WWP2: variants seen among roughly 807,000 people sequenced by gnomAD.
WWP2 encodes the protein WW domain containing E3 ubiquitin protein ligase 2.
In WWP2, 57 loss-of-function variants were observed where a neutral mutation model predicts 121.0. The observed-to-expected ratio is 0.47, with a 90% CI of 0.38 to 0.59. WWP2 has a LOEUF of 0.59. WWP2 is among the 20% of genes least tolerant of loss of function. The probability of loss-of-function intolerance (pLI) is 0.00; values close to 1 mark genes in which losing one functional copy is unlikely to be tolerated. For missense variants in WWP2, 962 were observed against 1,158.9 expected, an observed-to-expected ratio of 0.83 and a Z score of 2.47; for synonymous variants, 449 against 441.3, an observed-to-expected ratio of 1.02 and a Z score of -0.22.
rs541708170 is a variant in WWP2, at chr16:69,896,392, G to A, written c.914+8143G>A. On this transcript the variant is annotated intron_variant, in intron 8 of 23. Coordinates refer to ENST00000359154, the MANE Select transcript of WWP2 (RefSeq NM_001270454.2). The stretch of plus-strand genomic sequence containing the variant: ...TATCTTGGCCTACCAAAGTGCTGGG[G>A]TTACAGGTGTGAACCACCGTGCCCA... Among the ~76,000 whole-genome samples, 3 of 152,100 alleles carry A rather than the reference G, an allele frequency of 2.0e-5. No individual in the cohort carries two copies. In the East Asian group the frequency reaches 5.8e-4, roughly 29 times the overall value.
At chr16:69,814,996 A>T (rs1031011942) in intron 4 of WWP2, among the ~76,000 whole-genome samples, 2 of 151,976 alleles carry the variant, frequency 1.3e-5, no homozygotes, top group East Asian at 1.9e-4. Context: ...AAAAATATTT[A>T]TTTATTTATT....
chr16:69,846,070 A>AAAAAAAAAAAAAAAAAAAAAAAAAAAAAG (rs58504050), intron 6 of WWP2, among the ~76,000 whole-genome samples: 1 of 149,652 alleles, frequency 6.7e-6, no homozygotes, highest in African/African-American at 2.5e-5. Context: ...AAAAAAAAAA[A>AAAAAAAAAAAAAAAAAAAAAAAAAAAAAG]GAATACTTAT....
intron 4 of WWP2, among the ~76,000 whole-genome samples, chr16:69,806,742 T>A (rs574997458): frequency 2.0e-5 from 3 of 152,308 alleles, no homozygotes; most frequent in Admixed American, 6.5e-5. Context: ...TAATATTTTT[T>A]ACTTTAAATT....
At chr16:69,913,004 T>A (rs1308809524) in intron 9 of WWP2, among the ~76,000 whole-genome samples, 1 of 3,068 alleles carries the variant, frequency 3.3e-4, no homozygotes, top group African/African-American at 1.7e-3. Flanking sequence ...ATTTTTTTTT[T>A]TTTTTTTTTT....
At chr16:69,939,435 G>C (rs563012425) in intron 23 of WWP2, 22 bp downstream of exon 23, 1 of 1,613,802 alleles carries the variant, frequency 6.2e-7, no homozygotes, top group African/African-American at 1.3e-5. Flanking sequence ...GGTTTTAGTG[G>C]GAGGTCGGGG....
chr16:69,852,889 T>G (rs1193955083), intron 6 of WWP2, among the ~76,000 whole-genome samples: 1 of 152,226 alleles, frequency 6.6e-6, no homozygotes, highest in Non-Finnish European at 1.5e-5. Flanking sequence ...GATGGTATGT[T>G]AAGTAGTTAG....
chr16:69,873,499 C>T (rs1403389492), intron 7 of WWP2, among the ~76,000 whole-genome samples: 2 of 152,210 alleles, frequency 1.3e-5, no homozygotes, highest in Admixed American at 6.5e-5. Context: ...CCAGGGCTGC[C>T]GTCTCAGCTG....
rs1371017114 is a variant in WWP2, at chr16:69,941,288, C to T, written c.*1348C>T. 1.3e-5 allele frequency: 2 copies of T among 153,368 alleles called. No individual in the cohort carries two copies. Among genetic ancestry groups the T allele is most frequent in the African/African-American group, 4.8e-5 (2 of 41,452 alleles). The allele number at this position is 153,368 out of a possible 1,614,324, so 9.5% of individuals were successfully genotyped here. A position where few individuals can be genotyped will look rare whatever the true frequency, so the allele number is the denominator to read the frequency against. ...AGTCATGGCAGACTCCCGGCCTGGG[C>T]CCCCAGGATTCTAGGACCCCCAGGC... On this transcript the variant is annotated 3_prime_UTR_variant, in exon 24 of 24. Transcript: ENST00000359154.
At chr16:69,906,354 C>T (rs138379561) in intron 8 of WWP2, among the ~76,000 whole-genome samples, 9 of 152,060 alleles carry the variant, frequency 5.9e-5, no homozygotes, top group African/African-American at 2.2e-4. Context: ...TTACAGGTGT[C>T]AGCCACCGCA....
At chr16:69,812,477 CT>C (rs1178666410) in intron 4 of WWP2, among the ~76,000 whole-genome samples, 18 of 119,884 alleles carry the variant, frequency 1.5e-4, no homozygotes, top group South Asian at 8.2e-4. Context: ...AACCCCCCCC[CT>C]TTTTTTTTTT....
chr16:69,851,700 G>A (rs1319392505), intron 6 of WWP2, among the ~76,000 whole-genome samples: 1 of 152,048 alleles, frequency 6.6e-6, no homozygotes, highest in East Asian at 1.9e-4. Flanking sequence ...TTTCAACTCG[G>A]TCGGGAACGG....
chr16:69,913,645 A>G (rs2058434440), intron 9 of WWP2, among the ~76,000 whole-genome samples: 1 of 152,150 alleles, frequency 6.6e-6, no homozygotes, highest in Non-Finnish European at 1.5e-5. Flanking sequence ...ATATCCTCAA[A>G]GATTTGGGAG....
At chr16:69,908,735 A>G (rs1380145343) in intron 8 of WWP2, 26 bp from the exon 9 acceptor site, 1 of 1,613,758 alleles carries the variant, frequency 6.2e-7, no homozygotes, top group South Asian at 1.1e-5. Flanking sequence ...TGTGTGTCTC[A>G]TGCTACCCTT....
At chr16:69,889,971 T>C (rs2057996127) in intron 8 of WWP2, among the ~76,000 whole-genome samples, 1 of 152,168 alleles carries the variant, frequency 6.6e-6, no homozygotes, top group Admixed American at 6.5e-5. Flanking sequence ...TTGTTGTTGT[T>C]TGAGACAGGG....
At chr16:69,783,780 T>TACAACAACAACAACAACAACA (rs55923742) in intron 1 of WWP2, among the ~76,000 whole-genome samples, 6,208 of 149,766 alleles carry the variant, frequency 0.041, 305 homozygotes, top group Admixed American at 0.1. Flanking sequence ...ACCTTGTTTC[T>TACAACAACAACAACAACAACA]ACAACAACAA....
Position 69,799,093 on chromosome 16 carries a change from C to G in WWP2, c.219-81C>G. On this transcript the variant is annotated intron_variant, in intron 3 of 23. Coordinates refer to ENST00000359154, the MANE Select transcript of WWP2 (RefSeq NM_001270454.2). This position sits in a 1 kb window ranked among gnomAD's most constrained non-coding sequence, Gnocchi z 4.5. ...TTTTGGTTCCCCCTCCCCAAGATGT[C>G]AGCAGTTTAGTTTAAATGTTTTCTT... The G allele has an allele frequency of 6.5e-7, 1 of 1,541,070 alleles. No individual in the cohort carries two copies. Among genetic ancestry groups the G allele is most frequent in the Non-Finnish European group, 8.7e-7 (1 of 1,144,792 alleles).
intron 10 of WWP2, among the ~76,000 whole-genome samples, chr16:69,923,270 T>G (rs2058589795): frequency 7.5e-6 from 1 of 132,504 alleles, no homozygotes; most frequent in Admixed American, 8.7e-5. Context: ...CTCCCTTTCC[T>G]GTCTGCCTCC....
Position 69,909,907 on chromosome 16 carries a change from G to A in WWP2, c.1004+1057G>A, listed in dbSNP as rs117233720. 7.8e-3 allele frequency: 1,433 copies of A among 183,206 alleles called. 60 individuals are homozygous for A. Among genetic ancestry groups the A allele is most frequent in the Admixed American group, 0.071 (1,080 of 15,298 alleles). The allele number at this position is 183,206 out of a possible 1,614,324, so 11.3% of individuals were successfully genotyped here. ...TACAAACTAGTCGGCACACTATGATGGCCTGTGGACAAAATCCGGCCCTCT... is the reference window on the plus strand; with the variant it reads ...TACAAACTAGTCGGCACACTATGATAGCCTGTGGACAAAATCCGGCCCTCT... On this transcript the variant is annotated intron_variant, in intron 9 of 23. Coordinates refer to ENST00000359154, the MANE Select transcript of WWP2 (RefSeq NM_001270454.2).
intron 9 of WWP2, among the ~76,000 whole-genome samples, chr16:69,911,171 G>A (rs950409757): frequency 3.3e-5 from 5 of 152,222 alleles, no homozygotes; most frequent in Admixed American, 6.5e-5. Flanking sequence ...TTGAACCACC[G>A]ATTCACTTAA....
Sources: allele counts gnomAD v4.1 joint callset (sites outside exome capture counted in the v4.1 genomes callset), GRCh38; gene constraint gnomAD v4.1.1; non-coding constraint Gnocchi (gnomAD v3.1); transcripts MANE v1.5; gene names NCBI Gene and HGNC (gene_info 2026-07-23, HGNC 2026-07-21).